Variants in ATXN3 observed in about 807,000 individuals in gnomAD.
ATXN3 encodes ataxin-3.
ATXN3 carries 28 observed loss-of-function variants against 58.2 expected under a neutral mutation model. The observed-to-expected ratio is 0.48, with a 90% confidence interval of 0.36 to 0.66. The LOEUF (loss-of-function observed/expected upper bound fraction) is 0.66, where lower values mean the gene tolerates loss of function less well. Ranked by LOEUF, ATXN3 falls within the 30% of genes least tolerant of loss-of-function variation. ATXN3 has a pLI of 0.00. For missense variants in ATXN3, 321 were observed against 422.1 expected (o/e 0.76, Z 2.10); for synonymous variants, 113 against 138.5 (o/e 0.82, Z 1.29).
upstream of ATXN3, among the ~76,000 whole-genome samples, chr14:92,050,143 C>CTGTGTGT (rs113375315): frequency 6.0e-4 from 88 of 147,692 alleles, 1 homozygote; most frequent in East Asian, 9.8e-3. Context: ...ACTTTGCTCT[C>CTGTGTGT]GTGTGTGTGT....
chr14:92,101,877 G>T (rs1203014760), intron 1 of ATXN3, among the ~76,000 whole-genome samples: 2 of 150,974 alleles, frequency 1.3e-5, no homozygotes, highest in African/African-American at 4.9e-5. Context: ...AAAATAGGCT[G>T]GGCGTGGTAG....
chr14:92,096,417 G>GT (rs2065248429), intron 2 of ATXN3: 4 of 954,232 alleles, frequency 4.2e-6, no homozygotes, highest in Non-Finnish European at 4.5e-6. Context: ...AAGGTCAGGA[G>GT]TTTGAGACCA....
At chr14:92,105,416 TAAAATA>T (rs2068050124) in intron 1 of ATXN3, among the ~76,000 whole-genome samples, 1 of 152,202 alleles carries the variant, frequency 6.6e-6, no homozygotes, top group South Asian at 2.1e-4. Context: ...ACCCCATCTT[TAAAATA>T]AAAATTAAAA....
chr14:92,089,584 C>T (rs1008835671), intron 5 of ATXN3, among the ~76,000 whole-genome samples: 3 of 151,958 alleles, frequency 2.0e-5, no homozygotes, highest in Non-Finnish European at 2.9e-5. Flanking sequence ...GTGATCCGCC[C>T]GCCTAGGCCT....
chr14:92,052,763 T>C (rs1397617470), upstream of ATXN3, among the ~76,000 whole-genome samples: 1 of 152,168 alleles, frequency 6.6e-6, no homozygotes, highest in African/African-American at 2.4e-5. Context: ...TGCAACCTTA[T>C]TCAGCCAGAG....
At chr14:92,079,471 T>C in intron 9 of ATXN3, 1 of 979,506 alleles carries the variant, frequency 1.0e-6, no homozygotes, top group Non-Finnish European at 1.2e-6. Context: ...AGTTGTGACT[T>C]AAAAACAAAA....
In ATXN3 at chr14:92,092,372, C is replaced by T. The variant is rs114127501; in HGVS notation, c.387+880G>A. The stretch of plus-strand genomic sequence containing the variant: ...AGATTCAAAATTCTAATAACAAGGA[C>T]GTTAAATGATTGTTTCTTAAAATAG... On this transcript the variant is annotated intron_variant, in intron 5 of 10. Transcript: ENST00000644486. Among the ~76,000 whole-genome samples, 1,063 of 152,180 alleles carry T rather than the reference C, an allele frequency of 7.0e-3. 11 individuals carry two copies. The highest frequency in any genetic ancestry group is 0.023 in the African/African-American group (970 of 41,510).
chr14:92,090,142 A>C (rs1411703946), intron 5 of ATXN3, among the ~76,000 whole-genome samples: 1 of 152,192 alleles, frequency 6.6e-6, no homozygotes, highest in African/African-American at 2.4e-5. Context: ...AGAGATGGTC[A>C]TCTAGTCTGG....
chr14:92,076,939 CAAAA>C lies in ATXN3; in HGVS notation c.872+4022_872+4025del, dbSNP rs1157708694. Among the ~76,000 whole-genome samples the C allele has an allele frequency of 5.0e-5, 3 of 59,830 alleles. 1 individual carries two copies. The highest frequency in any genetic ancestry group is 2.1e-4 in the Admixed American group (1 of 4,718). 39.3% of individuals were successfully genotyped at this position (59,830 alleles called of 152,430 possible). ...TGGGTGACAGAGTGAGATTTCGTCT[CAAAA>C]AAAAAAAAAAAAAAAAGTCTGAAAT... On this transcript the variant is annotated intron_variant, in intron 9 of 10. Transcript: ENST00000644486.
intron 6 of ATXN3, among the ~76,000 whole-genome samples, chr14:92,084,877 G>A (rs976175651): frequency 6.6e-6 from 1 of 152,070 alleles, no homozygotes. Context: ...ACCGCGCCTA[G>A]CACATTTTTC....
rs2057571714 is a variant in ATXN3 at position 92,059,172 on chromosome 14, C to A, written c.*5148G>T. 1 of 151,952 alleles carries A rather than the reference C, an allele frequency of 6.6e-6. No homozygotes were observed. The highest frequency in any genetic ancestry group is 1.5e-5 in the Non-Finnish European group (1 of 67,988). 9.4% of individuals were successfully genotyped at this position (151,952 alleles called of 1,614,324 possible). ...TTATTAGCACTAATTCTTAAAATGC[C>A]AGACCACTTGGAAAAAATAATAATA... is the stretch of plus-strand genomic sequence containing the variant. On this transcript the variant is annotated 3_prime_UTR_variant, in exon 11 of 11. Coordinates refer to ENST00000644486, the MANE Select transcript of ATXN3 (RefSeq NM_004993.6).
intron 1 of ATXN3, among the ~76,000 whole-genome samples, chr14:92,106,174 G>A (rs1258189771): frequency 1.3e-5 from 2 of 152,180 alleles, no homozygotes; most frequent in South Asian, 2.1e-4. Context: ...TAGACCCTAG[G>A]GAGAGGGAAG....
intron 8 of ATXN3, among the ~76,000 whole-genome samples, chr14:92,081,465 C>CAAAAAAAA (rs58398762): frequency 7.2e-5 from 6 of 82,960 alleles, no homozygotes; most frequent in East Asian, 3.1e-4. Flanking sequence ...GACTCTGACT[C>CAAAAAAAA]AAAAAAAAAA....
At chr14:92,079,502 T>G (rs2061048584) in intron 9 of ATXN3, 1 of 889,410 alleles carries the variant, frequency 1.1e-6, no homozygotes, top group Non-Finnish European at 1.3e-6. Context: ...GGTAAATATT[T>G]TCTTCATTAT....
At chr14:92,053,171 A>T (rs1046167735), upstream of ATXN3, among the ~76,000 whole-genome samples, 12 of 152,166 alleles carry the variant, frequency 7.9e-5, no homozygotes, top group Admixed American at 5.9e-4. Context: ...AATTGCTTGA[A>T]CCTGGGAGGC....
intron 1 of ATXN3, among the ~76,000 whole-genome samples, chr14:92,105,522 A>G (rs2068079188): frequency 6.6e-6 from 1 of 152,190 alleles, no homozygotes; most frequent in Admixed American, 6.5e-5. Context: ...AATGTCTGGG[A>G]TAAATGATCA....
intron 5 of ATXN3, among the ~76,000 whole-genome samples, chr14:92,092,736 AT>A (rs2064127317): frequency 6.6e-6 from 1 of 152,094 alleles, no homozygotes; most frequent in Non-Finnish European, 1.5e-5. Flanking sequence ...AACTGATATT[AT>A]CTTTTAAAAT....
At chr14:92,084,707 G>A (rs1417863395) in intron 6 of ATXN3, among the ~76,000 whole-genome samples, 1 of 151,946 alleles carries the variant, frequency 6.6e-6, no homozygotes, top group African/African-American at 2.4e-5. Context: ...AGCCTCCTGA[G>A]TAGCTGGGAT....
chr14:92,065,657 G>T (rs368741975), intron 10 of ATXN3, among the ~76,000 whole-genome samples: 1 of 152,100 alleles, frequency 6.6e-6, no homozygotes, highest in Non-Finnish European at 1.5e-5. Flanking sequence ...CGAGGTGGGC[G>T]GATCACGAGG....
Sources: gnomAD v4.1 joint callset for allele counts (sites outside exome capture counted in the v4.1 genomes callset) on GRCh38, gnomAD v4.1.1 for gene constraint, MANE v1.5 for transcripts, NCBI Gene and HGNC (gene_info 2026-07-23, HGNC 2026-07-21) for gene names.